Variants in OTUD7A observed in about 807,000 individuals in gnomAD.
The protein encoded by OTUD7A is OTU deubiquitinase 7A.
A neutral mutation model predicts 65.7 loss-of-function variants in OTUD7A; 12 were observed. The observed-to-expected ratio is 0.18, with a 90% CI of 0.12 to 0.30. The LOEUF (loss-of-function observed/expected upper bound fraction) is 0.30, where lower values mean the gene tolerates loss of function less well. Among genes scored for constraint, OTUD7A ranks in the 10% least tolerant of loss-of-function variants. The pLI, the probability that OTUD7A is intolerant of heterozygous loss-of-function variation, is 1.00. For missense variants in OTUD7A, 1,148 were observed against 1,304.8 expected (o/e 0.88, Z 1.85); for synonymous variants, 641 against 586.3 (o/e 1.09, Z -1.35).
rs2041177600 is a variant in OTUD7A at position 31,483,749 on chromosome 15, C to T, written c.2347G>A (p.Ala783Thr). The T allele has an allele frequency of 3.3e-5, 36 of 1,095,936 alleles. 2 individuals carry two copies. The South Asian group carries it at 1.4e-3, about 44-fold the overall frequency. The allele number at this position is 1,095,936 out of a possible 1,614,324, so 67.9% of individuals were successfully genotyped here. Residue 783 changes from alanine (A) to threonine (T), a missense_variant, in exon 13 of 13, where the codon GCG becomes ACG. Transcript: ENST00000307050. ...CACGCCTCGTCCCGCGCGCCCGACG[C>T]CTGCACGTGGATGACGCTCTGGCGC... ...PARQSVIHVQ[A>T]SGARDEACAP...
chr15:31,823,750 C>T (rs1896739783), intron 1 of OTUD7A, among the ~76,000 whole-genome samples: 1 of 152,146 alleles, frequency 6.6e-6, no homozygotes, highest in Non-Finnish European at 1.5e-5. Flanking sequence ...TCATGTGGTT[C>T]ACAGGAGGAC....
chr15:31,720,669 G>C (rs1893713207), intron 1 of OTUD7A, among the ~76,000 whole-genome samples: 1 of 152,002 alleles, frequency 6.6e-6, no homozygotes, highest in Non-Finnish European at 1.5e-5. Flanking sequence ...CAAAATGCTG[G>C]GATTACAGGC....
intron 1 of OTUD7A, among the ~76,000 whole-genome samples, chr15:31,811,832 G>A (rs1051862551): frequency 2.0e-5 from 3 of 152,222 alleles, no homozygotes; most frequent in Non-Finnish European, 4.4e-5. Flanking sequence ...CCCTGGACTA[G>A]GGCAACCTGC....
intron 1 of OTUD7A, among the ~76,000 whole-genome samples, chr15:31,733,782 T>C (rs1894113042): frequency 6.6e-6 from 1 of 152,140 alleles, no homozygotes; most frequent in Non-Finnish European, 1.5e-5. Context: ...AGAAAAAGAA[T>C]TCAAGACTCA....
chr15:31,493,207 G>T (rs980601310), intron 10 of OTUD7A, among the ~76,000 whole-genome samples: 1 of 151,704 alleles, frequency 6.6e-6, no homozygotes, highest in East Asian at 1.9e-4. Flanking sequence ...GAGGTTAAAA[G>T]ATATTCACTA....
intron 1 of OTUD7A, among the ~76,000 whole-genome samples, chr15:31,829,482 C>T (rs1896879255): frequency 6.6e-6 from 1 of 152,166 alleles, no homozygotes; most frequent in African/African-American, 2.4e-5. Flanking sequence ...AAGTGGAGAC[C>T]ATCTTGGCAT....
At chr15:31,656,525 T>C (rs1384512778) in intron 2 of OTUD7A, among the ~76,000 whole-genome samples, 1 of 152,210 alleles carries the variant, frequency 6.6e-6, no homozygotes, top group Admixed American at 6.5e-5. Context: ...TGGAACTTTA[T>C]GGAAAAAGCT....
chr15:31,867,185 T>C (rs557513104), intron 1 of OTUD7A, among the ~76,000 whole-genome samples: 18 of 152,206 alleles, frequency 1.2e-4, no homozygotes, highest in Non-Finnish European at 2.1e-4. Context: ...TGTGGTTGAA[T>C]AACCTGGCAC....
At chr15:31,510,479 ATATG>A (rs1214792183) in intron 8 of OTUD7A, among the ~76,000 whole-genome samples, 3 of 148,366 alleles carry the variant, frequency 2.0e-5, no homozygotes, top group Admixed American at 6.7e-5. Flanking sequence ...TTGAATATAT[ATATG>A]TATGTATATC....
intron 4 of OTUD7A, among the ~76,000 whole-genome samples, chr15:31,567,026 C>G (rs1053190275): frequency 6.6e-6 from 1 of 152,114 alleles, no homozygotes; most frequent in African/African-American, 2.4e-5. Flanking sequence ...AAAATCAGTA[C>G]CAAGGGGGTA....
chr15:31,493,072 A>G (rs1192945719), intron 10 of OTUD7A, among the ~76,000 whole-genome samples: 1 of 151,556 alleles, frequency 6.6e-6, no homozygotes, highest in African/African-American at 2.4e-5. Context: ...TGGGCATGAT[A>G]GTGTGTGCCT....
chr15:31,501,970 GGAGGCGGTGCTGAGGGATGGGGCT>G (rs1405533727), intron 9 of OTUD7A, 131 bp from the exon 10 acceptor site: 1 of 1,046,810 alleles, frequency 9.6e-7, no homozygotes, highest in Non-Finnish European at 1.4e-6. Context: ...AGGGGTGGAT[GGAGGCGGTGCTGAGGGATGGGGCT>G]GAGGGTTTCC....
At chr15:31,592,904 A>AAAAAAAAATAAATATATATAT (rs1416029921) in intron 3 of OTUD7A, among the ~76,000 whole-genome samples, 1 of 59,384 alleles carries the variant, frequency 1.7e-5, no homozygotes, top group African/African-American at 8.0e-5. Flanking sequence ...AAAAAAAAAA[A>AAAAAAAAATAAATATATATAT]ATATATATAT....
At chr15:31,750,403 C>CAAAAA (rs3080850) in intron 1 of OTUD7A, among the ~76,000 whole-genome samples, 1,915 of 87,774 alleles carry the variant, frequency 0.022, 105 homozygotes, top group Admixed American at 0.054. Flanking sequence ...GAATCTGACT[C>CAAAAA]AAAAAAAAAA....
intron 1 of OTUD7A, among the ~76,000 whole-genome samples, chr15:31,845,423 G>T (rs938854817): frequency 6.6e-6 from 1 of 152,226 alleles, no homozygotes; most frequent in Non-Finnish European, 1.5e-5. Flanking sequence ...CAGAAACCAC[G>T]CGGGTAAGCC....
intron 1 of OTUD7A, among the ~76,000 whole-genome samples, chr15:31,737,308 G>A (rs1258804278): frequency 6.6e-6 from 1 of 152,132 alleles, no homozygotes; most frequent in African/African-American, 2.4e-5. Context: ...TATTGAAATA[G>A]AGACAGACAA....
chr15:31,631,341 C>T (rs1891146624), intron 3 of OTUD7A, among the ~76,000 whole-genome samples: 1 of 152,176 alleles, frequency 6.6e-6, no homozygotes, highest in Non-Finnish European at 1.5e-5. Context: ...TTCTCCTTCA[C>T]TTATGAAGCT....
chr15:31,694,735 G>A (rs1350548975), intron 1 of OTUD7A, among the ~76,000 whole-genome samples: 1 of 152,048 alleles, frequency 6.6e-6, no homozygotes, highest in East Asian at 1.9e-4. Flanking sequence ...TCTGTGCCTG[G>A]CTTATTTCAC....
chr15:31,682,947 G>T (rs1892753068), intron 1 of OTUD7A, among the ~76,000 whole-genome samples: 1 of 152,252 alleles, frequency 6.6e-6, no homozygotes, highest in Non-Finnish European at 1.5e-5. Context: ...GTTAAAAAGG[G>T]ACACAGGGAA....
Sources: gnomAD v4.1 joint callset for allele counts (sites outside exome capture counted in the v4.1 genomes callset) on GRCh38, gnomAD v4.1.1 for gene constraint, MANE v1.5 for transcripts, NCBI Gene and HGNC (gene_info 2026-07-23, HGNC 2026-07-21) for gene names.